The following UNC5D variants were observed in gnomAD, a reference collection of about 807,000 sequenced individuals.
The protein encoded by UNC5D is unc-5 netrin receptor D, also known as netrin receptor UNC5D.
In UNC5D, 39 loss-of-function variants were observed where a neutral mutation model predicts 105.4. That is an observed-to-expected ratio of 0.37 (90% CI 0.29 to 0.48). UNC5D has a LOEUF of 0.48. UNC5D is among the 20% of genes least tolerant of loss of function. The pLI is 0.98. For synonymous variants in UNC5D, 452 were observed against 450.4 expected (o/e 1.00, Z -0.04); for missense variants, 991 against 1,202.4 (o/e 0.82, Z 2.60).
At chr8:35,338,778 T>C (rs1294862732) in intron 1 of UNC5D, among the ~76,000 whole-genome samples, 1 of 152,188 alleles carries the variant, frequency 6.6e-6, no homozygotes, top group East Asian at 1.9e-4. Flanking sequence ...CAGTCTATGT[T>C]TTCCATGCAC....
At chr8:35,248,954 CAT>C (rs1491199166) in intron 1 of UNC5D, among the ~76,000 whole-genome samples, 6 of 82,216 alleles carry the variant, frequency 7.3e-5, no homozygotes, top group East Asian at 3.4e-4. Context: ...TATATATAAA[CAT>C]ATATAATATA....
At chr8:35,726,891 G>C in intron 10 of UNC5D, 1 of 255,340 alleles carries the variant, frequency 3.9e-6, no homozygotes, top group South Asian at 7.5e-5. Context: ...AGGGCCCCAT[G>C]TTTATACCTA....
intron 1 of UNC5D, among the ~76,000 whole-genome samples, chr8:35,341,939 A>G (rs1811483326): frequency 6.6e-6 from 1 of 152,162 alleles, no homozygotes; most frequent in Non-Finnish European, 1.5e-5. Context: ...TCAATTTCAC[A>G]GTAGTCTAAA....
At chr8:35,251,532 G>A (rs977697083) in intron 1 of UNC5D, among the ~76,000 whole-genome samples, 3 of 152,154 alleles carry the variant, frequency 2.0e-5, no homozygotes, top group East Asian at 3.9e-4. Context: ...GGCACACAAC[G>A]TTTCACCTTT....
chr8:35,525,114 G>A (rs1586045981), intron 1 of UNC5D: 11 of 1,582,942 alleles, frequency 6.9e-6, no homozygotes, highest in South Asian at 3.4e-5. Context: ...GCCTGCCTCC[G>A]CTGAAGCCAC....
chr8:35,309,823 A>G (rs1808737039), intron 1 of UNC5D, among the ~76,000 whole-genome samples: 1 of 152,080 alleles, frequency 6.6e-6, no homozygotes, highest in South Asian at 2.1e-4. Context: ...GTTCTGGGAT[A>G]GGGCCCAAAT....
intron 4 of UNC5D, among the ~76,000 whole-genome samples, chr8:35,605,746 A>G (rs913617556): frequency 1.3e-5 from 2 of 152,218 alleles, no homozygotes; most frequent in African/African-American, 4.8e-5. Flanking sequence ...CAACTAAAGA[A>G]ATAAAAATTT....
intron 1 of UNC5D, among the ~76,000 whole-genome samples, chr8:35,472,192 C>T (rs1375796627): frequency 6.6e-6 from 1 of 152,120 alleles, no homozygotes; most frequent in Non-Finnish European, 1.5e-5. Flanking sequence ...ACTTATTATT[C>T]CCATAGGTAG....
intron 1 of UNC5D, among the ~76,000 whole-genome samples, chr8:35,237,012 G>T (rs1802514730): frequency 6.6e-6 from 1 of 152,004 alleles, no homozygotes; most frequent in African/African-American, 2.4e-5. Context: ...GGGTGGAAAG[G>T]GTTGAGGACG....
At chr8:35,756,590 G>T (rs1830532594) in intron 13 of UNC5D, among the ~76,000 whole-genome samples, 1 of 150,162 alleles carries the variant, frequency 6.7e-6, no homozygotes, top group Admixed American at 6.6e-5. Flanking sequence ...GTCAAGCATA[G>T]TAGTAAGAAA....
chr8:35,626,276 C>T (rs959072166), intron 4 of UNC5D, among the ~76,000 whole-genome samples: 3 of 151,412 alleles, frequency 2.0e-5, no homozygotes, highest in Admixed American at 2.0e-4. Flanking sequence ...TTATTCTTAA[C>T]GTACTTTACG....
intron 1 of UNC5D, among the ~76,000 whole-genome samples, chr8:35,322,904 T>A (rs1809857768): frequency 6.6e-6 from 1 of 152,186 alleles, no homozygotes; most frequent in Non-Finnish European, 1.5e-5. Context: ...TTTTGCCACA[T>A]AATATCTAGT....
intron 3 of UNC5D, among the ~76,000 whole-genome samples, chr8:35,592,133 C>T (rs1819214580): frequency 6.6e-6 from 1 of 152,156 alleles, no homozygotes. Flanking sequence ...TTTACTGTCT[C>T]CATATTTATT....
At chr8:35,429,063 T>C (rs1197034050) in intron 1 of UNC5D, among the ~76,000 whole-genome samples, 1 of 152,216 alleles carries the variant, frequency 6.6e-6, no homozygotes, top group Non-Finnish European at 1.5e-5. Flanking sequence ...GCTACATCCA[T>C]AAAAGTGAGA....
At chr8:35,363,994 C>T (rs759338393) in intron 1 of UNC5D, among the ~76,000 whole-genome samples, 4 of 151,874 alleles carry the variant, frequency 2.6e-5, no homozygotes, top group Non-Finnish European at 5.9e-5. Context: ...ACCAGCCTGG[C>T]CAACATGGCA....
intron 1 of UNC5D, among the ~76,000 whole-genome samples, chr8:35,488,613 A>G (rs1356838769): frequency 6.6e-6 from 1 of 152,234 alleles, no homozygotes; most frequent in Non-Finnish European, 1.5e-5. Context: ...AGGATACAGC[A>G]TTAAACCAAG....
At chr8:35,450,615 A>T (rs1434376261) in intron 1 of UNC5D, among the ~76,000 whole-genome samples, 1 of 152,154 alleles carries the variant, frequency 6.6e-6, no homozygotes, top group African/African-American at 2.4e-5. Context: ...ACTTCAAACA[A>T]ATGAAGATAA....
chr8:35,505,424 G>C (rs111951825), intron 1 of UNC5D, among the ~76,000 whole-genome samples: 70 of 152,324 alleles, frequency 4.6e-4, no homozygotes, highest in African/African-American at 1.7e-3. Context: ...AAAATAGCTT[G>C]AGGCTCATGC....
At chr8:35,755,762 TTTCCTAG>T (rs1299758964) in intron 13 of UNC5D, among the ~76,000 whole-genome samples, 3 of 152,218 alleles carry the variant, frequency 2.0e-5, no homozygotes, top group African/African-American at 7.2e-5. Flanking sequence ...CCAGACCCTG[TTTCCTAG>T]TTCCATTAAC....
Sources: gnomAD v4.1 joint callset for allele counts (sites outside exome capture counted in the v4.1 genomes callset) on GRCh38, gnomAD v4.1.1 for gene constraint, MANE v1.5 for transcripts, NCBI Gene and HGNC (gene_info 2026-07-23, HGNC 2026-07-21) for gene names.